WWOX: variants seen among roughly 807,000 people sequenced by gnomAD.
The protein encoded by WWOX is WW domain containing oxidoreductase.
In WWOX, 69 loss-of-function variants were observed where a neutral mutation model predicts 46.2. The observed-to-expected ratio is 1.49, with a 90% CI of 1.23 to 1.82. WWOX has a LOEUF of 1.82. WWOX is among the 40% of genes most tolerant of loss of function. The pLI, the probability that WWOX is intolerant of heterozygous loss-of-function variation, is 0.00. For synonymous variants in WWOX, 359 were observed against 202.6 expected, an observed-to-expected ratio of 1.77 and a Z score of -6.56; for missense variants, 919 against 542.6, an observed-to-expected ratio of 1.69 and a Z score of -6.89.
intron 5 of WWOX, among the ~76,000 whole-genome samples, chr16:78,327,129 C>T (rs2080642155): frequency 6.6e-6 from 1 of 152,158 alleles, no homozygotes; most frequent in African/African-American, 2.4e-5. Flanking sequence ...TGACCCCACA[C>T]TGAAGAATCT....
chr16:78,268,331 C>T (rs1439884918), intron 5 of WWOX, among the ~76,000 whole-genome samples: 2 of 152,104 alleles, frequency 1.3e-5, no homozygotes, highest in East Asian at 3.8e-4. Flanking sequence ...CAGATCTCTG[C>T]AATGTGTTTT....
intron 8 of WWOX, among the ~76,000 whole-genome samples, chr16:79,182,512 G>T (rs1170433587): frequency 2.0e-5 from 3 of 150,500 alleles, no homozygotes; most frequent in Non-Finnish European, 2.9e-5. Flanking sequence ...GATTGGAAGG[G>T]ATCAGAAGGA....
intron 8 of WWOX, among the ~76,000 whole-genome samples, chr16:79,003,747 C>G (rs1486878003): frequency 6.6e-6 from 1 of 152,180 alleles, no homozygotes; most frequent in Non-Finnish European, 1.5e-5. Context: ...GTTTCAGCTA[C>G]ACAGCAGAAG....
At chr16:78,597,130 C>T (rs1486302391) in intron 8 of WWOX, among the ~76,000 whole-genome samples, 2 of 152,146 alleles carry the variant, frequency 1.3e-5, no homozygotes, top group Admixed American at 6.5e-5. Context: ...TGACCTATTG[C>T]TTTGTTTATT....
At chr16:78,474,608 A>G (rs556653610) in intron 8 of WWOX, among the ~76,000 whole-genome samples, 11 of 152,310 alleles carry the variant, frequency 7.2e-5, no homozygotes, top group African/African-American at 2.6e-4. Flanking sequence ...CATGCTATAC[A>G]ATTCATGCAT....
At chr16:78,501,319 A>T (rs1192096346) in intron 8 of WWOX, among the ~76,000 whole-genome samples, 1 of 151,078 alleles carries the variant, frequency 6.6e-6, no homozygotes, top group Admixed American at 6.6e-5. Context: ...ATGTTTTGGC[A>T]TTCTTTATGA....
At chr16:78,333,754 C>A (rs1380634434) in intron 5 of WWOX, among the ~76,000 whole-genome samples, 1 of 152,208 alleles carries the variant, frequency 6.6e-6, no homozygotes, top group Non-Finnish European at 1.5e-5. Flanking sequence ...TTCCTCTGTT[C>A]AGCAAACGTG....
chr16:78,843,583 G>A (rs76925648), intron 8 of WWOX, among the ~76,000 whole-genome samples: 2,572 of 150,320 alleles, frequency 0.017, 114 homozygotes, highest in African/African-American at 0.059. Flanking sequence ...GCAGGGGTCC[G>A]GTGTAAAGGA....
At chr16:78,272,050 T>C (rs968591395) in intron 5 of WWOX, among the ~76,000 whole-genome samples, 1 of 152,206 alleles carries the variant, frequency 6.6e-6, no homozygotes, top group East Asian at 1.9e-4. Flanking sequence ...CTGTAAAACG[T>C]GGATGTTCCA....
At chr16:78,826,582 C>G (rs568446801) in intron 8 of WWOX, among the ~76,000 whole-genome samples, 2 of 152,334 alleles carry the variant, frequency 1.3e-5, no homozygotes, top group East Asian at 3.9e-4. Context: ...CTCAAATCTC[C>G]CTCTACCTTT....
At chr16:79,098,170 AAC>A (rs901438613) in intron 8 of WWOX, among the ~76,000 whole-genome samples, 1 of 152,202 alleles carries the variant, frequency 6.6e-6, no homozygotes, top group Non-Finnish European at 1.5e-5. Flanking sequence ...GGAGCTTGAA[AAC>A]ACACAGATGC....
rs535092067 is a variant in WWOX at position 78,695,659 on chromosome 16, G to A, written c.1056+262907G>A. 1.8e-4 allele frequency among the ~76,000 whole-genome samples: 28 copies of A among 152,282 alleles called. No homozygotes were observed. In the South Asian group the frequency reaches 2.1e-3, roughly 11 times the overall value. On this transcript the variant is annotated intron_variant, in intron 8 of 8. Transcript: ENST00000566780. ...AGGTCACAGCTGGAAATAAAACTGT[G>A]TATTCCAAATCAGAGGGGCAATGCA...
intron 8 of WWOX, among the ~76,000 whole-genome samples, chr16:79,140,559 T>C (rs919883860): frequency 6.6e-6 from 1 of 152,152 alleles, no homozygotes; most frequent in Non-Finnish European, 1.5e-5. Flanking sequence ...CCCTGAACTT[T>C]GCAAACCTCT....
intron 8 of WWOX, among the ~76,000 whole-genome samples, chr16:78,805,587 G>T (rs1195209733): frequency 1.3e-5 from 2 of 152,140 alleles, no homozygotes; most frequent in African/African-American, 4.8e-5. Context: ...CCGGCCTACA[G>T]CATAGATTTG....
chr16:78,113,189 C>T (rs1248930040), intron 3 of WWOX, among the ~76,000 whole-genome samples: 1 of 152,132 alleles, frequency 6.6e-6, no homozygotes, highest in Non-Finnish European at 1.5e-5. Context: ...AATGTACATT[C>T]CCAGGCCCCC....
chr16:78,248,947 C>G (rs1031347201), intron 5 of WWOX, among the ~76,000 whole-genome samples: 1 of 147,262 alleles, frequency 6.8e-6, no homozygotes, highest in Non-Finnish European at 1.5e-5. Flanking sequence ...AGCTTCACCT[C>G]CTGGGCTCAG....
chr16:78,807,543 A>C (rs2051074778), intron 8 of WWOX, among the ~76,000 whole-genome samples: 1 of 152,266 alleles, frequency 6.6e-6, no homozygotes, highest in South Asian at 2.1e-4. Flanking sequence ...AATTAACGAC[A>C]GTGGCTAAAA....
intron 8 of WWOX, chr16:79,017,159 A>C (rs182410359): frequency 2.4e-4 from 37 of 152,338 alleles, no homozygotes; most frequent in African/African-American, 8.7e-4. Flanking sequence ...TGCCGGGCGC[A>C]GTGGCTCACG....
intron 8 of WWOX, among the ~76,000 whole-genome samples, chr16:79,177,600 A>G (rs1204107733): frequency 6.6e-6 from 1 of 152,150 alleles, no homozygotes; most frequent in Non-Finnish European, 1.5e-5. Context: ...AGTGGGGGAA[A>G]AAAGTGGGAG....
Sources: gnomAD v4.1 joint callset for allele counts (sites outside exome capture counted in the v4.1 genomes callset) on GRCh38, gnomAD v4.1.1 for gene constraint, MANE v1.5 for transcripts, NCBI Gene and HGNC (gene_info 2026-07-23, HGNC 2026-07-21) for gene names.